DIPK1C: variants seen among roughly 807,000 people sequenced by gnomAD.
DIPK1C encodes familial non-conventional Alzheimer's dementia.
DIPK1C carries 33 observed loss-of-function variants against 28.0 expected under a neutral mutation model. The observed-to-expected ratio is 1.18, with a 90% CI of 0.89 to 1.58. DIPK1C has a LOEUF of 1.58. Ranked by LOEUF, DIPK1C falls within the 40% of genes most tolerant of loss-of-function variation. The probability of loss-of-function intolerance (pLI) is 0.00; values close to 1 mark genes in which losing one functional copy is unlikely to be tolerated. For synonymous variants in DIPK1C, 255 were observed against 248.8 expected, an observed-to-expected ratio of 1.02 and a Z score of -0.23; for missense variants, 569 against 568.5, an observed-to-expected ratio of 1.00 and a Z score of -0.01.
intron 1 of DIPK1C, among the ~76,000 whole-genome samples, chr18:74,455,012 T>C (rs1986475248): frequency 6.6e-6 from 1 of 152,168 alleles, no homozygotes; most frequent in South Asian, 2.1e-4. Flanking sequence ...GGGAGATGGA[T>C]GTGGCCTCCG....
intron 1 of DIPK1C, among the ~76,000 whole-genome samples, chr18:74,452,556 T>C (rs950435733): frequency 6.0e-5 from 9 of 150,800 alleles, no homozygotes; most frequent in African/African-American, 2.2e-4. Context: ...CCAGCCTGGG[T>C]GGGCAACATG....
At chr18:74,458,081 T>C (rs73972922), upstream of DIPK1C, 1 of 152,238 alleles carries the variant, frequency 6.6e-6, no homozygotes, top group Admixed American at 6.5e-5. Context: ...CGTGTTCCCA[T>C]CCCAATTGTT....
In DIPK1C at chr18:74,447,212, C is replaced by G. The variant is rs1336698219; in HGVS notation, c.270G>C (p.Leu90=). 3.2e-6 allele frequency: 5 copies of G among 1,550,102 alleles called. No homozygotes were observed. Among genetic ancestry groups the G allele is most frequent in the Non-Finnish European group, 4.4e-6 (5 of 1,146,798 alleles). Residue 90 remains leucine (L), a synonymous_variant, in exon 2 of 4, where the codon CTG becomes CTC. Transcript: ENST00000343998. The surrounding 1 kb of genome is among the most constrained non-coding windows in gnomAD (Gnocchi z 4.1). Reference sequence around the variant, plus strand: ...TGTTGTAGTGCAGGCAGCGTTGGAACAGCAGCTCTCCCGCCACACACAGGT... The same window carrying G: ...TGTTGTAGTGCAGGCAGCGTTGGAAGAGCAGCTCTCCCGCCACACACAGGT... ...CEDLCVAGEL[L]FQRCLHYNRG...
intron 1 of DIPK1C, among the ~76,000 whole-genome samples, chr18:74,455,064 A>G (rs752294646): frequency 6.6e-6 from 1 of 152,172 alleles, no homozygotes; most frequent in African/African-American, 2.4e-5. Context: ...CAAACCTTCG[A>G]TCTTCAGGGG....
upstream of DIPK1C, among the ~76,000 whole-genome samples, chr18:74,459,156 G>C (rs921579041): frequency 9.9e-5 from 15 of 152,244 alleles, no homozygotes; most frequent in African/African-American, 3.1e-4. Flanking sequence ...CCTTTCCCAA[G>C]AATTGTATTT....
At position 74,446,647 on chromosome 18, in the gene DIPK1C, C is replaced by T. The variant is rs1022865306; in HGVS notation, c.835G>A (p.Asp279Asn). The change falls in exon 2 of 4, where the codon GAC (aspartate) becomes AAC (asparagine). Residue 279 changes from aspartate to asparagine, a missense_variant. Physicochemically the swap from Asp to Asn is conservative, Grantham distance 23 (BLOSUM62 1). Transcript: ENST00000343998. ...ATGGCAAAGTTTTCCGGCTTGATGT[C>T]GCAGAGGTGGAGGCGGTGGGAAAAG... ...SDFSHRLHLC[D>N]IKPENFAIRS... The T allele has an allele frequency of 4.9e-5, 72 of 1,480,152 alleles. No homozygotes were observed. Among genetic ancestry groups the T allele is most frequent in the Non-Finnish European group, 6.5e-5 (72 of 1,113,448 alleles). The allele number at this position is 1,480,152 out of a possible 1,614,324, so 91.7% of individuals were successfully genotyped here.
chr18:74,440,741 C>T (rs191095345), intron 3 of DIPK1C, among the ~76,000 whole-genome samples: 29 of 152,296 alleles, frequency 1.9e-4, no homozygotes, highest in South Asian at 4.2e-4. Flanking sequence ...AAAGAGCAGG[C>T]GTTTGTGTTC....
chr18:74,436,189 T>C lies in DIPK1C; in HGVS notation c.*312A>G, dbSNP rs532009912. On this transcript the variant is annotated 3_prime_UTR_variant, in exon 4 of 4. Transcript: ENST00000343998. ...AGAACAGCTGGAACTCGTGCTGGGA[T>C]AACCAGGTACAAGTGCTCTCTGCAG... 5.5e-6 allele frequency: 2 copies of C among 364,828 alleles called. No homozygotes were observed. The highest frequency in any genetic ancestry group is 9.5e-5 in the East Asian group (2 of 21,018). 22.6% of individuals were successfully genotyped at this position (364,828 alleles called of 1,614,324 possible). A position where few individuals can be genotyped will look rare whatever the true frequency, so the allele number is the denominator to read the frequency against.
intron 2 of DIPK1C, among the ~76,000 whole-genome samples, chr18:74,445,501 G>A (rs550782711): frequency 9.2e-5 from 14 of 152,314 alleles, no homozygotes; most frequent in Admixed American, 1.3e-4. Context: ...GATTTACACC[G>A]GCAGCAAATT....
upstream of DIPK1C, among the ~76,000 whole-genome samples, chr18:74,461,411 T>G (rs1986616963): frequency 6.7e-6 from 1 of 149,832 alleles, no homozygotes; most frequent in Non-Finnish European, 1.5e-5. Context: ...TCTTTCTCTT[T>G]TTTTTTTTTG....
the DIPK1C span, among the ~76,000 whole-genome samples, chr18:74,464,126 T>A: frequency 1.3e-5 from 2 of 152,202 alleles, no homozygotes; most frequent in Non-Finnish European, 2.9e-5. Context: ...AAGACAGCAC[T>A]GGCTTCATCA....
chr18:74,456,644 G>C (rs1322800846), intron 1 of DIPK1C, among the ~76,000 whole-genome samples: 2 of 152,214 alleles, frequency 1.3e-5, no homozygotes, highest in Non-Finnish European at 2.9e-5. Context: ...CTGCGGACCC[G>C]AGAGACAGAG....
intron 2 of DIPK1C, 85 bp from the exon 3 acceptor site, chr18:74,442,201 C>T (rs545421448): frequency 1.9e-5 from 29 of 1,494,560 alleles, no homozygotes; most frequent in African/African-American, 1.3e-4. Flanking sequence ...CTGTTCACCT[C>T]GTGCGGGTGC....
rs779313073 is a variant in DIPK1C at position 74,437,719 on chromosome 18, C to T, written c.1042-1000G>A. Reference sequence around the variant, plus strand: ...TGCAAAATTTAAAATGTTCTTAAGGCTAGACCGTGATCTCAGGCTCCACCT... The same window carrying T: ...TGCAAAATTTAAAATGTTCTTAAGGTTAGACCGTGATCTCAGGCTCCACCT... On this transcript the variant is annotated intron_variant, in intron 3 of 3. Coordinates refer to ENST00000343998, the MANE Select transcript of DIPK1C (RefSeq NM_001044369.3). 3.9e-5 allele frequency among the ~76,000 whole-genome samples: 6 copies of T among 152,172 alleles called. 1 individual carries two copies. The highest frequency in any genetic ancestry group is 8.8e-5 in the Non-Finnish European group (6 of 68,034).
Position 74,447,172 on chromosome 18 carries a change from G to A in DIPK1C, c.310C>T (p.Leu104=). ...GGCCGGCCGCGCCAGTCGGCCTGCA[G>A]CACCTTCTTGCCTCTGTTGTAGTGC... ...CLHYNRGKKV[L]QADWRGRPVV... is the part of the protein sequence containing the mutation. The change falls in exon 2 of 4, where the codon CTG becomes TTG. Residue 104 remains leucine, a synonymous_variant. Transcript: ENST00000343998. The surrounding 1 kb of genome is among the most constrained non-coding windows in gnomAD (Gnocchi z 4.1). The A allele has an allele frequency of 1.3e-6, 2 of 1,550,580 alleles. No individual in the cohort carries two copies. The highest frequency in any genetic ancestry group is 1.2e-5 in the South Asian group (1 of 84,066).
At chr18:74,449,479 A>G (rs1294301345) in intron 1 of DIPK1C, among the ~76,000 whole-genome samples, 1 of 152,204 alleles carries the variant, frequency 6.6e-6, no homozygotes, top group African/African-American at 2.4e-5. Context: ...AGGTATCTAG[A>G]TATTTTTCAG....
intron 3 of DIPK1C, among the ~76,000 whole-genome samples, chr18:74,437,400 A>G (rs1986022505): frequency 6.6e-6 from 1 of 152,240 alleles, no homozygotes; most frequent in South Asian, 2.1e-4. Flanking sequence ...TATGAAATTC[A>G]GTGATGCTGA....
At chr18:74,445,785 C>A (rs914971836) in intron 2 of DIPK1C, among the ~76,000 whole-genome samples, 1 of 152,208 alleles carries the variant, frequency 6.6e-6, no homozygotes, top group Admixed American at 6.5e-5. Context: ...CAAACCCATC[C>A]CGCACCCATG....
intron 1 of DIPK1C, among the ~76,000 whole-genome samples, chr18:74,451,258 A>G (rs1986391380): frequency 6.6e-6 from 1 of 152,202 alleles, no homozygotes; most frequent in East Asian, 1.9e-4. Context: ...GCACAGTTGA[A>G]GCAAGCACCT....
Sources: allele counts gnomAD v4.1 joint callset (sites outside exome capture counted in the v4.1 genomes callset), GRCh38; gene constraint gnomAD v4.1.1; non-coding constraint Gnocchi (gnomAD v3.1); transcripts MANE v1.5; gene names NCBI Gene and HGNC (gene_info 2026-07-23, HGNC 2026-07-21).